Variants in PCDH7 observed in about 807,000 individuals in gnomAD.
PCDH7 encodes the protein protocadherin-7.
In PCDH7, 17 loss-of-function variants were observed where a neutral mutation model predicts 58.9. The ratio of observed to expected loss-of-function variants is 0.29; its 90% CI spans 0.20 to 0.43. The LOEUF is 0.43. Ranked by LOEUF, PCDH7 falls within the 20% of genes least tolerant of loss-of-function variation. The pLI is 1.00. For missense variants in PCDH7, 1,274 were observed against 1,441.0 expected, an observed-to-expected ratio of 0.88 and a Z score of 1.88; for synonymous variants, 664 against 616.4, an observed-to-expected ratio of 1.08 and a Z score of -1.14.
intron 3 of PCDH7, among the ~76,000 whole-genome samples, chr4:30,990,241 A>T (rs1000571996): frequency 1.3e-5 from 2 of 152,052 alleles, no homozygotes; most frequent in African/African-American, 4.8e-5. Flanking sequence ...CCTCAAAGAA[A>T]TTGAACAATG....
intron 1 of PCDH7, among the ~76,000 whole-genome samples, chr4:30,744,284 A>G (rs1243172066): frequency 1.3e-5 from 2 of 152,238 alleles, no homozygotes; most frequent in African/African-American, 4.8e-5. Context: ...ACATTTTTAA[A>G]AAAATCAGCA....
intron 3 of PCDH7, among the ~76,000 whole-genome samples, chr4:31,096,735 C>T (rs1025501630): frequency 1.3e-5 from 2 of 152,098 alleles, no homozygotes; most frequent in African/African-American, 4.8e-5. Flanking sequence ...TGTTTGCTTC[C>T]AACCTTAGAC....
intron 3 of PCDH7, among the ~76,000 whole-genome samples, chr4:30,950,583 T>C (rs1250205312): frequency 6.6e-6 from 1 of 152,160 alleles, no homozygotes; most frequent in Non-Finnish European, 1.5e-5. Flanking sequence ...ACAGGAATAT[T>C]TCTGTGAATT....
intron 1 of PCDH7, among the ~76,000 whole-genome samples, chr4:30,831,262 C>T (rs1729740010): frequency 1.3e-5 from 2 of 152,044 alleles, no homozygotes; most frequent in African/African-American, 2.4e-5. Flanking sequence ...AGAATTGGTT[C>T]AGATGAAATA....
At chr4:30,984,588 A>G (rs987837801) in intron 3 of PCDH7, among the ~76,000 whole-genome samples, 4 of 152,198 alleles carry the variant, frequency 2.6e-5, no homozygotes, top group Non-Finnish European at 5.9e-5. Flanking sequence ...GCCCCAAAGA[A>G]AGGGTAAAAC....
chr4:31,083,004 A>G (rs1472108522), intron 3 of PCDH7, among the ~76,000 whole-genome samples: 3 of 152,212 alleles, frequency 2.0e-5, no homozygotes, highest in Non-Finnish European at 2.9e-5. Context: ...GCTACTCGGG[A>G]GGCTGAGGCA....
intron 3 of PCDH7, among the ~76,000 whole-genome samples, chr4:31,120,253 T>C (rs557154975): frequency 6.6e-6 from 1 of 152,154 alleles, no homozygotes; most frequent in East Asian, 1.9e-4. Flanking sequence ...ACTTCCCTTA[T>C]ACATCTTTCC....
intron 3 of PCDH7, among the ~76,000 whole-genome samples, chr4:31,114,540 T>G (rs1716748293): frequency 6.6e-6 from 1 of 152,012 alleles, no homozygotes; most frequent in African/African-American, 2.4e-5. Flanking sequence ...AGGCCCTCCA[T>G]GAAATTGCAT....
At chr4:30,792,325 G>C (rs1203002728) in intron 1 of PCDH7, among the ~76,000 whole-genome samples, 1 of 152,134 alleles carries the variant, frequency 6.6e-6, no homozygotes, top group African/African-American at 2.4e-5. Flanking sequence ...GGAGTACATA[G>C]TATCATGTGT....
intron 3 of PCDH7, among the ~76,000 whole-genome samples, chr4:31,062,237 A>G (rs775909437): frequency 1.3e-5 from 2 of 151,646 alleles, no homozygotes; most frequent in Non-Finnish European, 3.0e-5. Flanking sequence ...CTAGGAGTAC[A>G]TCCTAGAACA....
rs1031804912 is a variant in PCDH7 at position 30,921,522 on chromosome 4, C to T, written c.287+1153C>T. On this transcript the variant is annotated intron_variant, in intron 2 of 3. Transcript: ENST00000509759. ...TAAAGGACCCCAAATGAAAGTATTGCTAAATTATATTATGCTAAATAATTA... is the reference window on the plus strand; with the variant it reads ...TAAAGGACCCCAAATGAAAGTATTGTTAAATTATATTATGCTAAATAATTA... Among the ~76,000 whole-genome samples, 29 of 151,964 alleles carry T rather than the reference C, an allele frequency of 1.9e-4. 1 individual carries two copies. The highest frequency in any genetic ancestry group is 4.8e-5 in the African/African-American group (2 of 41,396).
intron 3 of PCDH7, among the ~76,000 whole-genome samples, chr4:31,136,468 A>G (rs1344064797): frequency 6.6e-6 from 1 of 152,204 alleles, no homozygotes; most frequent in African/African-American, 2.4e-5. Flanking sequence ...GGAAGGGCCC[A>G]GGAATGGTAC....
intron 3 of PCDH7, among the ~76,000 whole-genome samples, chr4:30,961,202 A>G (rs918839746): frequency 6.6e-6 from 1 of 152,006 alleles, no homozygotes; most frequent in Non-Finnish European, 1.5e-5. Flanking sequence ...TTTCATTAAT[A>G]TTATATCTTA....
At chr4:30,959,243 A>G (rs1185008961) in intron 3 of PCDH7, among the ~76,000 whole-genome samples, 1 of 144,236 alleles carries the variant, frequency 6.9e-6, no homozygotes, top group Non-Finnish European at 1.6e-5. Flanking sequence ...GCAATTGGAA[A>G]GTCTTTTTTT....
intron 1 of PCDH7, among the ~76,000 whole-genome samples, chr4:30,822,709 T>A (rs1489588497): frequency 1.3e-5 from 2 of 152,136 alleles, no homozygotes; most frequent in African/African-American, 4.8e-5. Flanking sequence ...TTGCCTTTAT[T>A]ACAGAATGCA....
At chr4:30,895,526 G>A (rs1204976475) in intron 1 of PCDH7, among the ~76,000 whole-genome samples, 5 of 152,150 alleles carry the variant, frequency 3.3e-5, no homozygotes, top group Non-Finnish European at 7.4e-5. Flanking sequence ...CTCTCATCAT[G>A]AATGTTATTT....
At chr4:31,052,079 C>T (rs1756795407) in intron 3 of PCDH7, among the ~76,000 whole-genome samples, 1 of 151,970 alleles carries the variant, frequency 6.6e-6, no homozygotes. Context: ...TAATATTGCT[C>T]TGTGGTTTGT....
chr4:30,801,166 G>A (rs1725479902), intron 1 of PCDH7, among the ~76,000 whole-genome samples: 1 of 152,182 alleles, frequency 6.6e-6, no homozygotes, highest in Admixed American at 6.5e-5. Context: ...GAAAAGATTA[G>A]ATGTTGGGGA....
chr4:30,734,688 T>C (rs1046711957), downstream of PCDH7, among the ~76,000 whole-genome samples: 4 of 152,126 alleles, frequency 2.6e-5, no homozygotes, highest in African/African-American at 9.7e-5. Flanking sequence ...CTGTCAAGTT[T>C]TTTTTGCCAT....
Sources: gnomAD v4.1 joint callset for allele counts (sites outside exome capture counted in the v4.1 genomes callset) on GRCh38, gnomAD v4.1.1 for gene constraint, MANE v1.5 for transcripts, NCBI Gene and HGNC (gene_info 2026-07-23, HGNC 2026-07-21) for gene names.